Variants in METTL21A observed in about 807,000 individuals in gnomAD.
METTL21A encodes the protein methyltransferase 21A, HSPA lysine, also known as protein N-lysine methyltransferase METTL21A.
Under a neutral mutation model 20.9 loss-of-function variants are expected in METTL21A, and 22 were observed. That is an observed-to-expected ratio of 1.05 (90% CI 0.75 to 1.50). The LOEUF (loss-of-function observed/expected upper bound fraction) is 1.50, where lower values mean the gene tolerates loss of function less well. METTL21A is among the 40% of genes most tolerant of loss of function. The pLI, the probability that METTL21A is intolerant of heterozygous loss-of-function variation, is 0.00. For synonymous variants in METTL21A, 93 were observed against 102.0 expected (o/e 0.91, Z 0.53); for missense variants, 271 against 266.8 (o/e 1.02, Z -0.11).
At chr2:207,624,349 G>A (rs1357943000) in exon 2 of METTL21A, 2 of 1,613,824 alleles carry the variant, frequency 1.2e-6, no homozygotes, top group South Asian at 2.2e-5. Context: ...CAAATTCCGT[G>A]GTCTCCTCAT....
intron 3 of METTL21A, chr2:207,615,785 T>A (rs1575128996): frequency 1.3e-5 from 2 of 152,182 alleles, no homozygotes; most frequent in African/African-American, 4.8e-5. Context: ...ATTACTGTCA[T>A]ACAATTCAGT....
chr2:207,582,255 G>C (rs1574910004), intron 3 of METTL21A: 1 of 679,310 alleles, frequency 1.5e-6, no homozygotes, highest in South Asian at 1.6e-5. Context: ...AGGCTATGCA[G>C]ATATATTCTT....
intron 3 of METTL21A, among the ~76,000 whole-genome samples, chr2:207,614,389 A>G (rs2089409238): frequency 6.6e-6 from 1 of 152,178 alleles, no homozygotes; most frequent in Non-Finnish European, 1.5e-5. Context: ...TCAAAAAAAA[A>G]AAAAATATCT....
chr2:207,607,991 C>G (rs368334695), downstream of METTL21A, among the ~76,000 whole-genome samples: 25 of 152,204 alleles, frequency 1.6e-4, 1 homozygote, highest in African/African-American at 5.8e-4. Context: ...ACACACACCC[C>G]ACACCTGAAA....
At chr2:207,590,082 AGTTTTTT>A (rs1218854293) in intron 3 of METTL21A, among the ~76,000 whole-genome samples, 8 of 95,576 alleles carry the variant, frequency 8.4e-5, no homozygotes, top group Admixed American at 1.3e-4. Context: ...TATTTTGAGA[AGTTTTTT>A]TTTTTTTTTT....
chr2:207,602,777 A>G (rs2087307054), intron 3 of METTL21A: 1 of 215,380 alleles, frequency 4.6e-6, no homozygotes. Flanking sequence ...AATAATTGTC[A>G]ACATTTTTTT....
At chr2:207,593,468 T>A (rs1257250773) in intron 3 of METTL21A, among the ~76,000 whole-genome samples, 1 of 152,212 alleles carries the variant, frequency 6.6e-6, no homozygotes, top group Non-Finnish European at 1.5e-5. Context: ...AGGTCAAGGC[T>A]GCAGTGAGCC....
In METTL21A at chr2:207,624,359, T is replaced by C. The variant is rs199691932; in HGVS notation, c.17A>G (p.Tyr6Cys). 260 of 1,613,638 alleles carry C rather than the reference T, an allele frequency of 1.6e-4. 1 individual carries two copies. The East Asian group carries it at 2.4e-3, about 15-fold the overall frequency. Reference sequence around the variant, plus strand: ...CAACCCAAATTCCGTGGTCTCCTCATAGGGCACGAGGGCCATTCCGCCTGC... The same window carrying C: ...CAACCCAAATTCCGTGGTCTCCTCACAGGGCACGAGGGCCATTCCGCCTGC... The change falls in exon 2 of 4, where the codon TAT (tyrosine) becomes TGT (cysteine). Residue 6 changes from tyrosine (Y) to cysteine (C), a missense_variant. Coordinates refer to ENST00000406927, the Ensembl canonical transcript of METTL21A.
At chr2:207,585,402 C>G (rs1367741630) in intron 3 of METTL21A, among the ~76,000 whole-genome samples, 4 of 152,164 alleles carry the variant, frequency 2.6e-5, no homozygotes, top group Non-Finnish European at 5.9e-5. Flanking sequence ...GAGCACCCTA[C>G]CCAGCTAACA....
At chr2:207,613,176 C>A (rs372280518) in exon 4 of METTL21A, 1 of 1,613,962 alleles carries the variant, frequency 6.2e-7, no homozygotes, top group Non-Finnish European at 8.5e-7. Flanking sequence ...CCGTTCATAG[C>A]GAATTCGGCA....
intron 3 of METTL21A, among the ~76,000 whole-genome samples, chr2:207,591,409 A>T (rs934340789): frequency 6.6e-6 from 1 of 152,140 alleles, no homozygotes; most frequent in Non-Finnish European, 1.5e-5. Flanking sequence ...ATACTAATAA[A>T]ACTACCCCAG....
intron 3 of METTL21A, among the ~76,000 whole-genome samples, chr2:207,595,333 G>A (rs2085932406): frequency 6.6e-6 from 1 of 151,824 alleles, no homozygotes; most frequent in Non-Finnish European, 1.5e-5. Context: ...ATATATCTCT[G>A]GAGAAATCTC....
At chr2:207,588,458 A>T (rs972390175) in intron 3 of METTL21A, among the ~76,000 whole-genome samples, 1 of 152,160 alleles carries the variant, frequency 6.6e-6, no homozygotes, top group African/African-American at 2.4e-5. Flanking sequence ...GAATTTGATA[A>T]TGTGAGTCCT....
chr2:207,598,746 T>G (rs1032702681), intron 3 of METTL21A: 1 of 164,818 alleles, frequency 6.1e-6, no homozygotes, highest in African/African-American at 2.4e-5. Context: ...ACTCAGGAGG[T>G]TGAGGCAGCA....
intron 2 of METTL21A, among the ~76,000 whole-genome samples, chr2:207,623,796 T>C (rs999433865): frequency 6.6e-6 from 1 of 152,176 alleles, no homozygotes; most frequent in Non-Finnish European, 1.5e-5. Context: ...GAGGCTGCAT[T>C]GAGCCAGGAT....
intron 3 of METTL21A, chr2:207,599,827 A>G (rs1053685659): frequency 1.0e-5 from 2 of 195,506 alleles, no homozygotes; most frequent in Non-Finnish European, 2.1e-5. Context: ...CCAGTAATAA[A>G]TGTTTTTCTC....
At chr2:207,625,941 C>G (rs905411689), upstream of METTL21A, 6 of 152,284 alleles carry the variant, frequency 3.9e-5, no homozygotes, top group African/African-American at 1.4e-4. Flanking sequence ...GGGAAGTGAA[C>G]ACGTGGCGCC....
At chr2:207,606,656 A>T (rs1208657009), downstream of METTL21A, among the ~76,000 whole-genome samples, 1 of 152,192 alleles carries the variant, frequency 6.6e-6, no homozygotes, top group Non-Finnish European at 1.5e-5. Flanking sequence ...CTCTCTAGGT[A>T]GAGGTTCTGG....
At chr2:207,582,244 G>C in intron 3 of METTL21A, 2 of 697,892 alleles carry the variant, frequency 2.9e-6, no homozygotes, top group South Asian at 3.0e-5. Context: ...GAAGTACTTG[G>C]AGGCTATGCA....
Sources: gnomAD v4.1 joint callset for allele counts (sites outside exome capture counted in the v4.1 genomes callset) on GRCh38, gnomAD v4.1.1 for gene constraint, MANE v1.5 for transcripts, NCBI Gene and HGNC (gene_info 2026-07-23, HGNC 2026-07-21) for gene names.